The following DEPDC5 variants were observed in gnomAD, a reference collection of about 807,000 sequenced individuals.
DEPDC5 encodes the protein GATOR1 complex protein DEPDC5.
DEPDC5 carries 73 observed loss-of-function variants against 217.3 expected under a neutral mutation model. That is an observed-to-expected ratio of 0.34 (90% CI 0.28 to 0.41). The LOEUF (loss-of-function observed/expected upper bound fraction) is 0.41. DEPDC5 is among the 10% of genes least tolerant of loss of function. DEPDC5 has a pLI of 1.00. For synonymous variants in DEPDC5, 733 were observed against 756.7 expected (o/e 0.97, Z 0.51); for missense variants, 1,675 against 2,070.1 (o/e 0.81, Z 3.70).
rs190815813 is a variant in DEPDC5 at position 31,820,978 on chromosome 22, G to A, written c.1871-524G>A. ...ACCCAGATGCCCTCTTCCTTCAATC[G>A]CTGTTAACTTTGTTGAACACTTAGC... On this transcript the variant is annotated intron_variant, in intron 22 of 42. Coordinates refer to ENST00000651528, the MANE Select transcript of DEPDC5 (RefSeq NM_001242896.3). 3.3e-5 allele frequency among the ~76,000 whole-genome samples: 5 copies of A among 152,170 alleles called. No homozygotes were observed. The East Asian group carries it at 5.8e-4, about 18-fold the overall frequency.
chr22:31,763,804 G>T (rs1038715989), intron 4 of DEPDC5, among the ~76,000 whole-genome samples: 1 of 151,812 alleles, frequency 6.6e-6, no homozygotes, highest in African/African-American at 2.4e-5. Flanking sequence ...GGCTACTCTG[G>T]TTACGCTGCC....
rs183270644 is a variant in DEPDC5, at chr22:31,855,110, G to A, written c.3156-2335G>A. On this transcript the variant is annotated intron_variant, in intron 31 of 42. Coordinates refer to ENST00000651528, the MANE Select transcript of DEPDC5 (RefSeq NM_001242896.3). Reference sequence around the variant, plus strand: ...CTCCAGAGTAGCTGGGACTACAGACGTGCGCCACCACGCCTGGCTAATTTT... The same window carrying A: ...CTCCAGAGTAGCTGGGACTACAGACATGCGCCACCACGCCTGGCTAATTTT... Among the ~76,000 whole-genome samples, 382 of 151,900 alleles carry A rather than the reference G, an allele frequency of 2.5e-3. 1 individual carries two copies. Among genetic ancestry groups the A allele is most frequent in the African/African-American group, 8.9e-3 (371 of 41,460 alleles).
At position 31,784,797 on chromosome 22, in the gene DEPDC5, T is replaced by G; in HGVS notation, c.563-17T>G. The G allele has an allele frequency of 6.2e-7, 1 of 1,610,702 alleles. No homozygotes were observed. Among genetic ancestry groups the G allele is most frequent in the Non-Finnish European group, 8.5e-7 (1 of 1,178,196 alleles). ...TTGTTCTCATGTTCTCATCCTTTTT[T>G]CATTGTTTCTTTTCAGGGGATTTGT... On this transcript the variant is annotated splice_polypyrimidine_tract_variant and intron_variant, in intron 9 of 42. Coordinates refer to ENST00000651528, the MANE Select transcript of DEPDC5 (RefSeq NM_001242896.3).
intron 20 of DEPDC5, 115 bp from the exon 21 acceptor site, chr22:31,814,876 TG>T: frequency 9.3e-7 from 1 of 1,080,064 alleles, no homozygotes; most frequent in Non-Finnish European, 1.4e-6. Flanking sequence ...TAGATCACAC[TG>T]GGGATTTTTG....
At position 31,789,576 on chromosome 22, in the gene DEPDC5, T is replaced by C. The variant is rs189502674; in HGVS notation, c.625-2457T>C. On this transcript the variant is annotated intron_variant, in intron 10 of 42. Coordinates refer to ENST00000651528, the MANE Select transcript of DEPDC5 (RefSeq NM_001242896.3). Reference sequence around the variant, plus strand: ...TGATAGTTATACAACATTGTGAATGTATTAAATGTCACGATGGCAATATTT... The same window carrying C: ...TGATAGTTATACAACATTGTGAATGCATTAAATGTCACGATGGCAATATTT... 2.1e-3 allele frequency among the ~76,000 whole-genome samples: 326 copies of C among 152,320 alleles called. 1 individual carries two copies. Among genetic ancestry groups the C allele is most frequent in the Non-Finnish European group, 3.7e-3 (251 of 68,020 alleles).
intron 38 of DEPDC5, among the ~76,000 whole-genome samples, chr22:31,887,633 T>G (rs2093348130): frequency 6.6e-6 from 1 of 152,174 alleles, no homozygotes; most frequent in Non-Finnish European, 1.5e-5. Context: ...TTAGTTTTCC[T>G]GTGGTTTCCA....
intron 21 of DEPDC5, among the ~76,000 whole-genome samples, chr22:31,818,440 AG>A (rs2089372318): frequency 6.6e-6 from 1 of 152,170 alleles, no homozygotes. Flanking sequence ...AAAGGGAAAA[AG>A]AATGCAGATC....
chr22:31,760,887 T>TGG (rs1428728947), intron 4 of DEPDC5, among the ~76,000 whole-genome samples, 185 bp downstream of exon 4: 8 of 152,124 alleles, frequency 5.3e-5, no homozygotes, highest in Non-Finnish European at 1.0e-4. Flanking sequence ...TGTGTACTGG[T>TGG]GGGGATTGGG....
chr22:31,843,147 G>C lies in DEPDC5; in HGVS notation c.2568G>C (p.Met856Ile). ...PEEEDQYWLSMGRTFHKVTLK... is the reference protein window; with the variant it reads ...PEEEDQYWLSIGRTFHKVTLK... ...AGGAGGACCAGTATTGGCTGAGTATGGGCAGAACGTTCCACAAAGTGACGC... is the reference window on the plus strand; with the variant it reads ...AGGAGGACCAGTATTGGCTGAGTATCGGCAGAACGTTCCACAAAGTGACGC... The change falls in exon 28 of 43, where the codon ATG becomes ATC. Residue 856 changes from methionine (M) to isoleucine (I), a missense_variant. This residue lies in a region of DEPDC5 where 293 missense variants were observed against 386.1 expected (regional missense o/e 0.76). Coordinates refer to ENST00000651528, the MANE Select transcript of DEPDC5 (RefSeq NM_001242896.3). The C allele has an allele frequency of 6.2e-7, 1 of 1,614,120 alleles. No individual in the cohort carries two copies. Among genetic ancestry groups the C allele is most frequent in the Non-Finnish European group, 8.5e-7 (1 of 1,180,026 alleles).
intron 33 of DEPDC5, among the ~76,000 whole-genome samples, chr22:31,865,487 C>G (rs1209303261): frequency 6.6e-6 from 1 of 151,966 alleles, no homozygotes; most frequent in African/African-American, 2.4e-5. Flanking sequence ...CAGAGCAAGA[C>G]CTGTCTCAAA....
chr22:31,790,982 G>C (rs528402252), intron 10 of DEPDC5, among the ~76,000 whole-genome samples: 5 of 151,952 alleles, frequency 3.3e-5, no homozygotes, highest in African/African-American at 1.2e-4. Context: ...CCTGACCTCA[G>C]GTGATCCACC....
chr22:31,847,337 G>A (rs1409447254), intron 31 of DEPDC5, among the ~76,000 whole-genome samples: 2 of 151,242 alleles, frequency 1.3e-5, no homozygotes, highest in African/African-American at 2.4e-5. Context: ...GGCCAACATG[G>A]CAAAACCCCA....
chr22:31,836,159 A>G (rs1247470690), intron 25 of DEPDC5, among the ~76,000 whole-genome samples: 1 of 152,246 alleles, frequency 6.6e-6, no homozygotes, highest in East Asian at 1.9e-4. Flanking sequence ...CCCCAGGGGA[A>G]CATGTCAATG....
chr22:31,791,627 C>CAA (rs142053932), intron 10 of DEPDC5, among the ~76,000 whole-genome samples: 16 of 62,110 alleles, frequency 2.6e-4, no homozygotes, highest in East Asian at 4.8e-4. Flanking sequence ...GAGACTGCCT[C>CAA]AAAAAAAAAA....
intron 7 of DEPDC5, 141 bp from the exon 8 acceptor site, chr22:31,777,958 G>A (rs1234538361): frequency 1.2e-6 from 1 of 828,456 alleles, no homozygotes; most frequent in Non-Finnish European, 2.0e-6. Flanking sequence ...ATGTTGTCCA[G>A]GCTGGTCTCG....
intron 29 of DEPDC5, 21 bp from the exon 30 acceptor site, chr22:31,844,997 G>C: frequency 6.2e-7 from 1 of 1,613,370 alleles, no homozygotes; most frequent in Non-Finnish European, 8.5e-7. Context: ...CCACCACCCT[G>C]TGTTTTCCTT....
At chr22:31,805,884 GGC>G (rs2087468844) in intron 17 of DEPDC5, among the ~76,000 whole-genome samples, 1 of 152,232 alleles carries the variant, frequency 6.6e-6, no homozygotes, top group East Asian at 1.9e-4. Context: ...GAATGCTTGA[GGC>G]CAGGAGTTTG....
chr22:31,770,467 A>G (rs1483714640), intron 7 of DEPDC5, among the ~76,000 whole-genome samples: 1 of 143,420 alleles, frequency 7.0e-6, no homozygotes, highest in Non-Finnish European at 1.5e-5. Flanking sequence ...TGCAGCCTCT[A>G]CCTCCTGATT....
Position 31,906,508 on chromosome 22 carries a change from C to T in DEPDC5, c.*11C>T. On this transcript the variant is annotated 3_prime_UTR_variant, in exon 43 of 43. Coordinates refer to ENST00000651528, the MANE Select transcript of DEPDC5 (RefSeq NM_001242896.3). This position sits in a 1 kb window ranked among gnomAD's most constrained non-coding sequence, Gnocchi z 5.1. The stretch of plus-strand genomic sequence containing the variant: ...GCCAGTGCCCCGTGAGGCCAGGCTG[C>T]ACCTGTGCTGGGGGAAGGTGGGTGA... 1 of 1,612,062 alleles carries T rather than the reference C, an allele frequency of 6.2e-7. No homozygotes were observed. The highest frequency in any genetic ancestry group is 8.5e-7 in the Non-Finnish European group (1 of 1,178,802).
Sources: gnomAD v4.1 joint callset for allele counts (sites outside exome capture counted in the v4.1 genomes callset) on GRCh38, gnomAD v4.1.1 for gene constraint, gnomAD v4.1.1 regional missense constraint, Gnocchi (gnomAD v3.1) non-coding constraint, MANE v1.5 for transcripts, NCBI Gene and HGNC (gene_info 2026-07-23, HGNC 2026-07-21) for gene names.